The following CAPZB variants were observed in gnomAD, a reference collection of about 807,000 sequenced individuals.
CAPZB encodes F-actin-capping protein subunit beta.
In CAPZB, 2 loss-of-function variants were observed where a neutral mutation model predicts 38.1. That is an observed-to-expected ratio of 0.05 (90% CI 0.02 to 0.17). The LOEUF (loss-of-function observed/expected upper bound fraction) is 0.17, where lower values mean the gene tolerates loss of function less well. Ranked by LOEUF, CAPZB falls within the 10% of genes least tolerant of loss-of-function variation. The probability of loss-of-function intolerance (pLI) is 1.00; values close to 1 mark genes in which losing one functional copy is unlikely to be tolerated. For synonymous variants in CAPZB, 107 were observed against 127.4 expected (o/e 0.84, Z 1.08); for missense variants, 161 against 334.2 (o/e 0.48, Z 4.04).
intron 8 of CAPZB, 60 bp downstream of exon 8, chr1:19,344,298 C>CAG (rs2093949004): frequency 2.2e-6 from 3 of 1,385,558 alleles, no homozygotes; most frequent in South Asian, 1.2e-5. Flanking sequence ...TAGTAACTGG[C>CAG]AGAGCCAGGG....
At chr1:19,340,899 G>A (rs966092498) in intron 8 of CAPZB, among the ~76,000 whole-genome samples, 4 of 152,006 alleles carry the variant, frequency 2.6e-5, no homozygotes, top group Non-Finnish European at 4.4e-5. Flanking sequence ...AGAGTGCTAC[G>A]GAGAGTGCAC....
chr1:19,402,488 G>A (rs985097139), intron 2 of CAPZB, among the ~76,000 whole-genome samples: 1 of 152,242 alleles, frequency 6.6e-6, no homozygotes, highest in Non-Finnish European at 1.5e-5. Context: ...ACCAGAGTGT[G>A]CGCCCATCAC....
At chr1:19,406,681 G>C (rs2100405387) in intron 2 of CAPZB, among the ~76,000 whole-genome samples, 1 of 152,226 alleles carries the variant, frequency 6.6e-6, no homozygotes, top group Non-Finnish European at 1.5e-5. Context: ...AACCTCACTT[G>C]GTTTCCTCAT....
chr1:19,391,916 C>T (rs2094237841), intron 2 of CAPZB, among the ~76,000 whole-genome samples: 1 of 152,184 alleles, frequency 6.6e-6, no homozygotes, highest in Non-Finnish European at 1.5e-5. Context: ...GGCATGGTGG[C>T]TCACGCCTGT....
At chr1:19,460,574 C>CTTTTTT (rs35288971) in intron 1 of CAPZB, among the ~76,000 whole-genome samples, 186 of 90,972 alleles carry the variant, frequency 2.0e-3, no homozygotes, top group Non-Finnish European at 2.3e-3. Context: ...TGTGCCCAGG[C>CTTTTTT]TTTTTTTTTT....
intron 1 of CAPZB, among the ~76,000 whole-genome samples, chr1:19,424,988 G>C (rs1481566485): frequency 6.6e-6 from 1 of 152,248 alleles, no homozygotes; most frequent in African/African-American, 2.4e-5. Flanking sequence ...ACAAGGTCGT[G>C]TGGTGTGTAC....
At chr1:19,460,476 C>G (rs1009688949) in intron 1 of CAPZB, among the ~76,000 whole-genome samples, 6 of 151,168 alleles carry the variant, frequency 4.0e-5, no homozygotes, top group Admixed American at 3.3e-4. Context: ...CAGGTTTCAC[C>G]GTGTTAGCCA....
intron 6 of CAPZB, among the ~76,000 whole-genome samples, chr1:19,346,659 G>A (rs1271364940): frequency 6.6e-6 from 1 of 151,940 alleles, no homozygotes; most frequent in Non-Finnish European, 1.5e-5. Context: ...CTGACTTTCA[G>A]GCTGTGAAAG....
chr1:19,373,217 T>C (rs781506640), intron 4 of CAPZB, among the ~76,000 whole-genome samples: 5 of 151,844 alleles, frequency 3.3e-5, no homozygotes, highest in African/African-American at 7.3e-5. Flanking sequence ...GAGGGAGCCG[T>C]GAGGACACAC....
intron 2 of CAPZB, among the ~76,000 whole-genome samples, chr1:19,399,489 C>G (rs1388133276): frequency 6.6e-6 from 1 of 152,170 alleles, no homozygotes; most frequent in Non-Finnish European, 1.5e-5. Context: ...AGAGCTTTTC[C>G]TACATCAAAA....
intron 1 of CAPZB, among the ~76,000 whole-genome samples, chr1:19,460,510 C>T (rs972134573): frequency 1.3e-5 from 2 of 150,286 alleles, no homozygotes; most frequent in East Asian, 2.0e-4. Context: ...CTCTTGACCT[C>T]GTGATCCACC....
chr1:19,446,486 G>A, intron 1 of CAPZB, among the ~76,000 whole-genome samples: 1 of 152,068 alleles, frequency 6.6e-6, no homozygotes, highest in East Asian at 1.9e-4. Context: ...GTACAAATGG[G>A]TGCAATTCTC....
intron 1 of CAPZB, among the ~76,000 whole-genome samples, chr1:19,425,493 G>A (rs1254884253): frequency 6.6e-6 from 1 of 152,108 alleles, no homozygotes; most frequent in Non-Finnish European, 1.5e-5. Context: ...CAAATAATAA[G>A]GAGGGGAGTT....
chr1:19,392,851 A>T (rs1404161695), intron 2 of CAPZB, among the ~76,000 whole-genome samples: 2 of 152,218 alleles, frequency 1.3e-5, no homozygotes, highest in Non-Finnish European at 2.9e-5. Context: ...CAGAATTCAA[A>T]AAGGTACAAG....
intron 2 of CAPZB, among the ~76,000 whole-genome samples, chr1:19,391,093 C>G (rs534623876): frequency 6.8e-4 from 103 of 151,216 alleles, no homozygotes; most frequent in Admixed American, 1.3e-3. Context: ...CTTAAATCAT[C>G]CAACCCAACA....
At chr1:19,467,148 G>C (rs924484430) in intron 1 of CAPZB, among the ~76,000 whole-genome samples, 1 of 151,972 alleles carries the variant, frequency 6.6e-6, no homozygotes, top group East Asian at 1.9e-4. Context: ...TTGGCCTCCC[G>C]AAGTGCTGAG....
intron 1 of CAPZB, among the ~76,000 whole-genome samples, chr1:19,453,401 A>G (rs2094522989): frequency 6.6e-6 from 1 of 151,936 alleles, no homozygotes; most frequent in South Asian, 2.1e-4. Context: ...ACCTGGGATT[A>G]CAGGGGCGCA....
At chr1:19,460,836 C>T (rs1166710709) in intron 1 of CAPZB, among the ~76,000 whole-genome samples, 1 of 152,074 alleles carries the variant, frequency 6.6e-6, no homozygotes, top group African/African-American at 2.4e-5. Flanking sequence ...CAGCTCAACA[C>T]CCACCGACAC....
intron 3 of CAPZB, among the ~76,000 whole-genome samples, chr1:19,379,388 C>T (rs974322543): frequency 2.0e-5 from 3 of 152,178 alleles, no homozygotes; most frequent in African/African-American, 4.8e-5. Flanking sequence ...TGTGAGCCAC[C>T]GCGCCTGGCC....
Sources: allele counts gnomAD v4.1 joint callset (sites outside exome capture counted in the v4.1 genomes callset), GRCh38; gene constraint gnomAD v4.1.1; transcripts MANE v1.5; gene names NCBI Gene and HGNC (gene_info 2026-07-23, HGNC 2026-07-21).